LSG1: variants seen among roughly 807,000 people sequenced by gnomAD.
The protein encoded by LSG1 is large subunit GTPase 1 homolog.
In LSG1, 55 loss-of-function variants were observed where a neutral mutation model predicts 82.6. The ratio of observed to expected loss-of-function variants is 0.67; its 90% CI spans 0.54 to 0.83. The LOEUF (loss-of-function observed/expected upper bound fraction) is 0.83, where lower values mean the gene tolerates loss of function less well. LSG1 is among the 40% of genes least tolerant of loss of function. The pLI, the probability that LSG1 is intolerant of heterozygous loss-of-function variation, is 0.00. For missense variants in LSG1, 809 were observed against 807.9 expected (o/e 1.00, Z -0.02); for synonymous variants, 272 against 282.5 (o/e 0.96, Z 0.37).
At chr3:194,663,136 C>T (rs1195470011) in intron 5 of LSG1, among the ~76,000 whole-genome samples, 2 of 151,910 alleles carry the variant, frequency 1.3e-5, no homozygotes, top group South Asian at 2.1e-4. Context: ...CCTCAAGGTC[C>T]GGGCTGCAGT....
intron 13 of LSG1, among the ~76,000 whole-genome samples, chr3:194,644,334 A>G (rs1374230249): frequency 6.8e-6 from 1 of 146,486 alleles, no homozygotes; most frequent in Non-Finnish European, 1.5e-5. Context: ...TGCAGTCCGC[A>G]GTCCGGCCTG....
intron 4 of LSG1, 101 bp from the exon 5 acceptor site, chr3:194,665,744 C>A: frequency 1.6e-6 from 1 of 626,414 alleles, no homozygotes; most frequent in South Asian, 2.0e-5. Flanking sequence ...AAGTACTGGG[C>A]ACAAATATCC....
Position 194,660,467 on chromosome 3 carries a change from G to A in LSG1, c.522-334C>T, listed in dbSNP as rs146896058. 9.9e-3 allele frequency among the ~76,000 whole-genome samples: 1,512 copies of A among 152,182 alleles called. 31 individuals are homozygous for A. Among genetic ancestry groups the A allele is most frequent in the African/African-American group, 0.034 (1,399 of 41,530 alleles). ...ATGTTTCATTGCTAAGACATCCACC[G>A]TACTTCTATTAAACTGTCCTGGTGA... On this transcript the variant is annotated intron_variant, in intron 5 of 13. Transcript: ENST00000265245.
chr3:194,659,613 G>T (rs902765262), intron 6 of LSG1, among the ~76,000 whole-genome samples: 1 of 152,134 alleles, frequency 6.6e-6, no homozygotes, highest in African/African-American at 2.4e-5. Flanking sequence ...ATTATTTCAT[G>T]GGACTCTCAC....
chr3:194,644,293 C>T (rs1479111871), intron 13 of LSG1, among the ~76,000 whole-genome samples: 6 of 149,958 alleles, frequency 4.0e-5, no homozygotes, highest in Middle Eastern at 3.4e-3. Context: ...ACCCGGGAAG[C>T]GGAGCTTGCA....
chr3:194,667,942 AAT>A (rs763693435), intron 2 of LSG1, among the ~76,000 whole-genome samples: 888 of 86,874 alleles, frequency 0.01, 75 homozygotes, highest in Non-Finnish European at 0.011. Flanking sequence ...AAAAAAAAAA[AAT>A]ATATATATAT....
At chr3:194,670,412 A>C (rs903455315) in intron 1 of LSG1, among the ~76,000 whole-genome samples, 6 of 152,264 alleles carry the variant, frequency 3.9e-5, no homozygotes, top group Admixed American at 1.3e-4. Flanking sequence ...CAGATAAAAT[A>C]ACTTGCCTAT....
Position 194,642,372 on chromosome 3 carries a change from C to G in LSG1, c.1798-125G>C, listed in dbSNP as rs148772746. Reference sequence around the variant, plus strand: ...CAGTCACTGGGTGAACTTCCGCCCCCCTCCCCTTCACTGGTCCTCTTTCTC... The same window carrying G: ...CAGTCACTGGGTGAACTTCCGCCCCGCTCCCCTTCACTGGTCCTCTTTCTC... On this transcript the variant is annotated intron_variant, in intron 13 of 13. Transcript: ENST00000265245. 141 of 676,320 alleles carry G rather than the reference C, an allele frequency of 2.1e-4. No homozygotes were observed. The East Asian group carries it at 3.9e-3, about 18-fold the overall frequency. The allele number at this position is 676,320 out of a possible 1,614,324, so 41.9% of individuals were successfully genotyped here.
chr3:194,652,721 C>A lies in LSG1; in HGVS notation c.1173+8G>T. On this transcript the variant is annotated splice_region_variant and intron_variant, in intron 8 of 13. Coordinates refer to ENST00000265245, the MANE Select transcript of LSG1 (RefSeq NM_018385.3). ...GTGGTAACAATGTTATGACATATGT[C>A]ATCTTACCAGTCCGACCGTAAGTTG... The A allele has an allele frequency of 6.2e-7, 1 of 1,609,106 alleles. No homozygotes were observed. The highest frequency in any genetic ancestry group is 1.1e-5 in the South Asian group (1 of 90,458).
At position 194,648,075 on chromosome 3, in the gene LSG1, A is replaced by ATTTTT. The variant is rs990548703; in HGVS notation, c.1543+601_1543+605dup. Among the ~76,000 whole-genome samples, 30 of 117,922 alleles carry ATTTTT rather than the reference A, an allele frequency of 2.5e-4. 1 individual carries two copies. The highest frequency in any genetic ancestry group is 9.7e-4 in the African/African-American group (30 of 30,930). 77.4% of individuals were successfully genotyped at this position (117,922 alleles called of 152,430 possible). On this transcript the variant is annotated intron_variant, in intron 11 of 13. Transcript: ENST00000265245. ...GCACGGAAATGTTTCCCACACTGCT[A>ATTTTT]TTTTTTTTTTTTTTTTTTTTTTTAG...
At chr3:194,664,273 C>T (rs1718989442) in intron 5 of LSG1, among the ~76,000 whole-genome samples, 1 of 152,090 alleles carries the variant, frequency 6.6e-6, no homozygotes. Context: ...AATAACAATG[C>T]TAAATGTGAT....
chr3:194,659,238 A>C, intron 6 of LSG1, 105 bp from the exon 7 acceptor site: 1 of 817,482 alleles, frequency 1.2e-6, no homozygotes, highest in Non-Finnish European at 2.0e-6. Context: ...CCTAGTTTTA[A>C]ATCATTTCCT....
chr3:194,642,317 T>C, intron 13 of LSG1, 70 bp from the exon 14 acceptor site: 1 of 1,315,238 alleles, frequency 7.6e-7, no homozygotes, highest in Non-Finnish European at 1.0e-6. Context: ...CACAGTACTA[T>C]TAGTGGATCA....
intron 13 of LSG1, among the ~76,000 whole-genome samples, chr3:194,642,464 C>T (rs1718420441): frequency 6.6e-6 from 1 of 150,832 alleles, no homozygotes; most frequent in Admixed American, 6.6e-5. Context: ...TTGTTTAGTC[C>T]CATACTTTCA....
intron 7 of LSG1, among the ~76,000 whole-genome samples, chr3:194,655,751 T>C (rs997031502): frequency 2.0e-5 from 3 of 152,104 alleles, no homozygotes; most frequent in African/African-American, 7.2e-5. Flanking sequence ...CTTCAAACTA[T>C]ACTACAAGGC....
chr3:194,651,914 T>C lies in LSG1; in HGVS notation c.1174-698A>G, dbSNP rs142909848. 5.7e-3 allele frequency among the ~76,000 whole-genome samples: 866 copies of C among 152,312 alleles called. 6 individuals are homozygous for C. Among genetic ancestry groups the C allele is most frequent in the African/African-American group, 0.019 (790 of 41,578 alleles). On this transcript the variant is annotated intron_variant, in intron 8 of 13. Coordinates refer to ENST00000265245, the MANE Select transcript of LSG1 (RefSeq NM_018385.3). ...TCTGTCTGATTCCACAGACAGCTCT[T>C]TTAACTACTGCACTAAAATAAGATG...
intron 11 of LSG1, among the ~76,000 whole-genome samples, chr3:194,648,100 G>C (rs1448623661): frequency 7.7e-6 from 1 of 130,060 alleles, no homozygotes. Context: ...TTTTTTTTTA[G>C]GTAGACACAA....
chr3:194,647,882 A>C (rs1718585689), intron 11 of LSG1, among the ~76,000 whole-genome samples: 1 of 111,166 alleles, frequency 9.0e-6, no homozygotes. Context: ...TGTAATTAGA[A>C]TAGTCTTACC....
intron 1 of LSG1, 155 bp downstream of exon 1, chr3:194,671,909 G>C: frequency 1.4e-6 from 1 of 698,168 alleles, no homozygotes; most frequent in Non-Finnish European, 2.5e-6. Context: ...TTGCCAGGAG[G>C]AGGGCCTGCT....
Sources: allele counts gnomAD v4.1 joint callset (sites outside exome capture counted in the v4.1 genomes callset), GRCh38; gene constraint gnomAD v4.1.1; transcripts MANE v1.5; gene names NCBI Gene and HGNC (gene_info 2026-07-23, HGNC 2026-07-21).